The following PSMD1 variants were observed in gnomAD, a reference collection of about 807,000 sequenced individuals.
PSMD1 encodes the protein proteasome 26S subunit, non-ATPase 1.
In PSMD1, 18 loss-of-function variants were observed where a neutral mutation model predicts 119.0. The observed-to-expected ratio is 0.15, with a 90% confidence interval of 0.10 to 0.22. PSMD1 has a LOEUF of 0.22. Among genes scored for constraint, PSMD1 ranks in the 10% least tolerant of loss-of-function variants. PSMD1 has a pLI of 1.00. For missense variants in PSMD1, 702 were observed against 1,158.5 expected (o/e 0.61, Z 5.72); for synonymous variants, 374 against 396.6 (o/e 0.94, Z 0.68).
intron 19 of PSMD1, among the ~76,000 whole-genome samples, chr2:231,155,219 C>G (rs1445779012): frequency 6.6e-6 from 1 of 152,028 alleles, no homozygotes; most frequent in East Asian, 1.9e-4. Flanking sequence ...TATAGCAGTT[C>G]TAGTATTAAG....
At chr2:231,112,716 G>T (rs923456584) in intron 16 of PSMD1, among the ~76,000 whole-genome samples, 1 of 152,164 alleles carries the variant, frequency 6.6e-6, no homozygotes, top group African/African-American at 2.4e-5. Context: ...AGTTTTGAAT[G>T]ATTTACGCAT....
intron 12 of PSMD1, among the ~76,000 whole-genome samples, chr2:231,082,515 G>T (rs1411834510): frequency 3.3e-5 from 5 of 152,118 alleles, no homozygotes; most frequent in Non-Finnish European, 5.9e-5. Context: ...GACCAGCCTG[G>T]CCAACATGAT....
chr2:231,064,077 G>A (rs920073279), intron 4 of PSMD1, among the ~76,000 whole-genome samples: 6 of 152,174 alleles, frequency 3.9e-5, no homozygotes, highest in Non-Finnish European at 8.8e-5. Flanking sequence ...GGTATGAAGT[G>A]CTATGGCATG....
chr2:231,163,047 TGA>T (rs1400433539), intron 20 of PSMD1: 1 of 148,642 alleles, frequency 6.7e-6, no homozygotes, highest in Non-Finnish European at 1.5e-5. Flanking sequence ...TGCAGTGAGC[TGA>T]GTTTGCGCCA....
At chr2:231,078,835 C>A in intron 10 of PSMD1, 88 bp downstream of exon 10, 2 of 910,942 alleles carry the variant, frequency 2.2e-6, no homozygotes, top group Non-Finnish European at 3.0e-6. Context: ...TACTCTGTGG[C>A]CCAGGCCGGA....
chr2:231,061,193 A>G, intron 1 of PSMD1, 74 bp from the exon 2 acceptor site: 1 of 1,203,172 alleles, frequency 8.3e-7, no homozygotes, highest in Non-Finnish European at 1.2e-6. Context: ...GCCATCATGT[A>G]TTTTTGACCA....
intron 18 of PSMD1, among the ~76,000 whole-genome samples, chr2:231,152,522 G>A (rs1290648572): frequency 6.6e-6 from 1 of 152,166 alleles, no homozygotes; most frequent in Non-Finnish European, 1.5e-5. Context: ...ATAAAAGGTA[G>A]TAACTTACCC....
At chr2:231,133,546 C>T (rs2125243549) in intron 16 of PSMD1, 1 of 152,274 alleles carries the variant, frequency 6.6e-6, no homozygotes, top group African/African-American at 2.4e-5. Context: ...GATGAGCTGA[C>T]CCCTTGATGT....
intron 16 of PSMD1, among the ~76,000 whole-genome samples, chr2:231,092,402 G>A (rs1694618305): frequency 6.6e-6 from 1 of 152,158 alleles, no homozygotes; most frequent in African/African-American, 2.4e-5. Context: ...GATGGGTAGT[G>A]CAAATCAGGC....
At chr2:231,133,810 T>C (rs925242230) in intron 16 of PSMD1, among the ~76,000 whole-genome samples, 1 of 152,220 alleles carries the variant, frequency 6.6e-6, no homozygotes, top group African/African-American at 2.4e-5. Flanking sequence ...TTGCACAAAA[T>C]ATTCATAAAG....
intron 16 of PSMD1, among the ~76,000 whole-genome samples, chr2:231,122,744 C>G (rs1695587859): frequency 6.6e-6 from 1 of 152,076 alleles, no homozygotes; most frequent in African/African-American, 2.4e-5. Flanking sequence ...TTTTAATCCA[C>G]TTACCAACTT....
intron 16 of PSMD1, among the ~76,000 whole-genome samples, chr2:231,094,419 G>A (rs1274301675): frequency 5.9e-5 from 9 of 152,152 alleles, no homozygotes; most frequent in South Asian, 2.1e-4. Flanking sequence ...GGATGTGTAC[G>A]TTGATCCAGC....
intron 16 of PSMD1, among the ~76,000 whole-genome samples, chr2:231,113,538 C>T (rs1323630057): frequency 6.6e-6 from 1 of 152,222 alleles, no homozygotes; most frequent in Non-Finnish European, 1.5e-5. Flanking sequence ...TTACTTGTCA[C>T]ACTTTTTACC....
At chr2:231,128,786 G>GT (rs1559243389) in intron 16 of PSMD1, among the ~76,000 whole-genome samples, 1 of 152,130 alleles carries the variant, frequency 6.6e-6, no homozygotes, top group Non-Finnish European at 1.5e-5. Context: ...TAGGCAGACA[G>GT]TTTAAGATGC....
intron 16 of PSMD1, among the ~76,000 whole-genome samples, chr2:231,111,168 A>G (rs1695144883): frequency 1.3e-5 from 2 of 152,046 alleles, no homozygotes; most frequent in Non-Finnish European, 2.9e-5. Flanking sequence ...TAAGACCTTA[A>G]TTTTATATTT....
intron 16 of PSMD1, chr2:231,113,616 G>A: frequency 1.1e-6 from 1 of 882,492 alleles, no homozygotes; most frequent in Non-Finnish European, 1.9e-6. Flanking sequence ...TGTATCAGTA[G>A]GCTGGCTTGA....
intron 16 of PSMD1, among the ~76,000 whole-genome samples, chr2:231,110,234 C>T (rs1429688471): frequency 1.3e-5 from 2 of 152,066 alleles, no homozygotes; most frequent in South Asian, 2.1e-4. Flanking sequence ...GTGGGAGAAT[C>T]ACTTGAACCC....
chr2:231,160,116 T>A (rs1330612578), intron 19 of PSMD1, among the ~76,000 whole-genome samples: 1 of 152,194 alleles, frequency 6.6e-6, no homozygotes, highest in Non-Finnish European at 1.5e-5. Context: ...AGTCCAAACT[T>A]CTGATTAAAC....
intron 2 of PSMD1, 142 bp from the exon 3 acceptor site, chr2:231,062,106 T>C (rs544923689): frequency 4.2e-4 from 243 of 577,022 alleles, no homozygotes; most frequent in Non-Finnish European, 6.4e-4. Flanking sequence ...AAGTGTAAGT[T>C]GGTAAATTTT....
Sources: allele counts gnomAD v4.1 joint callset (sites outside exome capture counted in the v4.1 genomes callset), GRCh38; gene constraint gnomAD v4.1.1; transcripts MANE v1.5; gene names NCBI Gene and HGNC (gene_info 2026-07-23, HGNC 2026-07-21).